Variants in STON2 observed in about 807,000 individuals in gnomAD.
STON2 encodes the protein stonin 2, also known as stonin-2.
STON2 carries 29 observed loss-of-function variants against 65.7 expected under a neutral mutation model. The observed-to-expected ratio is 0.44, with a 90% confidence interval of 0.33 to 0.60. STON2 has a LOEUF of 0.60. Among genes scored for constraint, STON2 ranks in the 20% least tolerant of loss-of-function variants. STON2 has a pLI of 0.03. For synonymous variants in STON2, 404 were observed against 414.2 expected, an observed-to-expected ratio of 0.98 and a Z score of 0.30; for missense variants, 1,054 against 1,118.1, an observed-to-expected ratio of 0.94 and a Z score of 0.82.
intron 6 of STON2, among the ~76,000 whole-genome samples, chr14:81,273,958 C>G (rs1052848994): frequency 6.6e-6 from 1 of 152,184 alleles, no homozygotes; most frequent in South Asian, 2.1e-4. Context: ...CTTCCCAGGG[C>G]TGTCTGAACA....
At chr14:81,293,719 T>C (rs1359267349) in intron 5 of STON2, among the ~76,000 whole-genome samples, 2 of 152,074 alleles carry the variant, frequency 1.3e-5, no homozygotes, top group African/African-American at 4.8e-5. Flanking sequence ...GACCATAATG[T>C]GAGTGACCCT....
In STON2 at chr14:81,268,208, A is replaced by C; in HGVS notation, c.*206T>G. The stretch of plus-strand genomic sequence containing the variant: ...GCTTTAGGCATGACCAGAATCAAAG[A>C]GCCTCTCCAAAAGCCACCATTCTCA... On this transcript the variant is annotated 3_prime_UTR_variant, in exon 8 of 8. Coordinates refer to ENST00000614646, the MANE Select transcript of STON2 (RefSeq NM_001394390.1). 1.7e-6 allele frequency: 2 copies of C among 1,145,880 alleles called. No homozygotes were observed. The highest frequency in any genetic ancestry group is 3.3e-5 in the African/African-American group (2 of 61,358). 71.0% of individuals were successfully genotyped at this position (1,145,880 alleles called of 1,614,324 possible). A position where few individuals can be genotyped will look rare whatever the true frequency, so the allele number is the denominator to read the frequency against.
chr14:81,305,572 TAGA>T (rs780459498), intron 5 of STON2, among the ~76,000 whole-genome samples: 4 of 152,224 alleles, frequency 2.6e-5, no homozygotes, highest in Admixed American at 6.5e-5. Context: ...TGTTGATCTA[TAGA>T]AGTTTTTTTT....
intron 2 of STON2, among the ~76,000 whole-genome samples, chr14:81,422,281 G>T (rs1901743054): frequency 6.6e-6 from 1 of 152,002 alleles, no homozygotes; most frequent in Non-Finnish European, 1.5e-5. Context: ...AAAAGAGCCT[G>T]GCACCTCCTC....
chr14:81,310,691 T>C (rs1443855033), intron 5 of STON2, among the ~76,000 whole-genome samples: 6 of 152,216 alleles, frequency 3.9e-5, no homozygotes, highest in African/African-American at 1.4e-4. Flanking sequence ...ATTTTGTGTA[T>C]CAGGATACGC....
intron 5 of STON2, among the ~76,000 whole-genome samples, chr14:81,280,606 G>A (rs976734927): frequency 7.2e-5 from 11 of 152,070 alleles, no homozygotes; most frequent in African/African-American, 2.4e-4. Context: ...CAGCAATGCC[G>A]CACATAATTG....
rs1256371965 is a variant in STON2 at position 81,383,355 on chromosome 14, G to T, written c.374-12170C>A. Among the ~76,000 whole-genome samples, 3 of 152,278 alleles carry T rather than the reference G, an allele frequency of 2.0e-5. No individual in the cohort carries two copies. The South Asian group carries it at 6.2e-4, about 32-fold the overall frequency. On this transcript the variant is annotated intron_variant, in intron 3 of 7. Transcript: ENST00000614646. ...ATACTGATGAGGCACTAGCAAAAGT[G>T]CTTGGCACAAAAAGAGTACTCAACA...
At chr14:81,335,763 G>C (rs1015192789) in intron 4 of STON2, among the ~76,000 whole-genome samples, 2 of 152,068 alleles carry the variant, frequency 1.3e-5, no homozygotes. Context: ...ATTGAAGAAA[G>C]TCATTCAAAA....
intron 3 of STON2, among the ~76,000 whole-genome samples, chr14:81,388,209 A>G (rs1454727087): frequency 6.6e-6 from 1 of 151,818 alleles, no homozygotes; most frequent in Non-Finnish European, 1.5e-5. Context: ...TGGCCTCCCA[A>G]AGTGCTGGGA....
intron 4 of STON2, among the ~76,000 whole-genome samples, chr14:81,343,337 G>C (rs1897687051): frequency 6.6e-6 from 1 of 152,212 alleles, no homozygotes. Context: ...ACAATGTGTT[G>C]CTTGCGGCAA....
intron 2 of STON2, among the ~76,000 whole-genome samples, chr14:81,425,924 T>C (rs1046927203): frequency 6.6e-6 from 1 of 152,190 alleles, no homozygotes; most frequent in Admixed American, 6.5e-5. Context: ...AGTAGCAATA[T>C]AAGTGGAATT....
chr14:81,280,897 G>C (rs1895085878), intron 5 of STON2, among the ~76,000 whole-genome samples: 1 of 151,736 alleles, frequency 6.6e-6, no homozygotes, highest in Non-Finnish European at 1.5e-5. Flanking sequence ...TGTAATCCTA[G>C]ATATTCGGGA....
chr14:81,319,090 C>A (rs539477325), intron 5 of STON2, among the ~76,000 whole-genome samples: 1 of 152,300 alleles, frequency 6.6e-6, no homozygotes, highest in African/African-American at 2.4e-5. Flanking sequence ...AAGCTACCCG[C>A]CTCTAGAGTC....
chr14:81,390,723 A>C (rs1439641644), intron 3 of STON2, among the ~76,000 whole-genome samples: 1 of 152,214 alleles, frequency 6.6e-6, no homozygotes, highest in Non-Finnish European at 1.5e-5. Flanking sequence ...TTAGTTTCCT[A>C]TGGCTGCTGT....
chr14:81,288,420 A>G (rs61978889), intron 5 of STON2, among the ~76,000 whole-genome samples: 13,389 of 152,256 alleles, frequency 0.088, 682 homozygotes, highest in Non-Finnish European at 0.11. Flanking sequence ...GGTATAGCCT[A>G]TTGCTCCTAA....
intron 3 of STON2, among the ~76,000 whole-genome samples, chr14:81,387,763 G>A (rs2140414634): frequency 6.6e-6 from 1 of 151,172 alleles, no homozygotes; most frequent in African/African-American, 2.4e-5. Flanking sequence ...ATGGTGGCGG[G>A]TGCCTGTAGT....
chr14:81,389,001 G>A (rs112669999), intron 3 of STON2, among the ~76,000 whole-genome samples: 3 of 152,064 alleles, frequency 2.0e-5, no homozygotes, highest in East Asian at 3.9e-4. Flanking sequence ...TTTCTCTTAC[G>A]ACCTTCTCAC....
intron 4 of STON2, among the ~76,000 whole-genome samples, chr14:81,358,321 TATC>T (rs1187360743): frequency 6.6e-6 from 1 of 152,118 alleles, no homozygotes; most frequent in African/African-American, 2.4e-5. Context: ...CAATCAAAAT[TATC>T]ATCAACTTGA....
chr14:81,422,520 A>G (rs559777471), intron 2 of STON2, among the ~76,000 whole-genome samples: 4 of 152,320 alleles, frequency 2.6e-5, no homozygotes, highest in African/African-American at 9.6e-5. Flanking sequence ...GACACCAGGT[A>G]AAAGAGATAT....
Sources: gnomAD v4.1 joint callset for allele counts (sites outside exome capture counted in the v4.1 genomes callset) on GRCh38, gnomAD v4.1.1 for gene constraint, MANE v1.5 for transcripts, NCBI Gene and HGNC (gene_info 2026-07-23, HGNC 2026-07-21) for gene names.